Variants in DISC1 observed in about 807,000 individuals in gnomAD.
The protein encoded by DISC1 is DISC1 scaffold protein.
A neutral mutation model predicts 84.5 loss-of-function variants in DISC1; 57 were observed. The observed-to-expected ratio is 0.67, with a 90% CI of 0.55 to 0.84. DISC1 has a LOEUF of 0.84. DISC1 is among the 40% of genes least tolerant of loss of function. The probability of loss-of-function intolerance (pLI) is 0.00; values close to 1 mark genes in which losing one functional copy is unlikely to be tolerated. For missense variants in DISC1, 1,000 were observed against 1,057.8 expected, an observed-to-expected ratio of 0.95 and a Z score of 0.76; for synonymous variants, 411 against 415.2, an observed-to-expected ratio of 0.99 and a Z score of 0.12.
At chr1:231,948,119 G>A (rs1333860330) in intron 9 of DISC1, among the ~76,000 whole-genome samples, 1 of 152,122 alleles carries the variant, frequency 6.6e-6, no homozygotes, top group Non-Finnish European at 1.5e-5. Context: ...AAGGATCATT[G>A]TACTATAATC....
At chr1:231,924,199 A>G (rs1017078667) in intron 9 of DISC1, among the ~76,000 whole-genome samples, 3 of 152,236 alleles carry the variant, frequency 2.0e-5, no homozygotes, top group Non-Finnish European at 2.9e-5. Context: ...TGCATCCTGG[A>G]AAAGAAAGGC....
At chr1:231,952,691 T>TTATATA (rs60722025) in intron 9 of DISC1, among the ~76,000 whole-genome samples, 74 of 141,822 alleles carry the variant, frequency 5.2e-4, no homozygotes, top group South Asian at 1.8e-3. Flanking sequence ...ATATATATGT[T>TTATATA]TATATATATA....
intron 10 of DISC1, among the ~76,000 whole-genome samples, chr1:231,961,500 A>G (rs1000511503): frequency 6.6e-5 from 10 of 152,224 alleles, no homozygotes; most frequent in African/African-American, 2.4e-4. Flanking sequence ...TAGTAAGCAC[A>G]GTACCCCTGG....
intron 6 of DISC1, chr1:231,774,756 G>C: frequency 2.2e-6 from 1 of 456,076 alleles, no homozygotes; most frequent in Non-Finnish European, 4.4e-6. Flanking sequence ...ATGGGCTGCA[G>C]CATGGATCTG....
intron 10 of DISC1, among the ~76,000 whole-genome samples, chr1:231,981,523 G>A: frequency 6.6e-6 from 1 of 152,180 alleles, no homozygotes. Flanking sequence ...TCCCCTGCTT[G>A]TTCAGCATTC....
chr1:231,837,921 T>G (rs2082737297), intron 9 of DISC1, among the ~76,000 whole-genome samples: 1 of 152,244 alleles, frequency 6.6e-6, no homozygotes, highest in Admixed American at 6.5e-5. Flanking sequence ...TATACTTCTT[T>G]GTATGAATGC....
chr1:231,664,340 T>TC (rs2061826811), intron 1 of DISC1, among the ~76,000 whole-genome samples: 4 of 151,892 alleles, frequency 2.6e-5, no homozygotes, highest in Admixed American at 2.6e-4. Context: ...ATTATCCACA[T>TC]CCCCCCATAT....
chr1:231,857,795 G>T (rs191138624), intron 9 of DISC1, among the ~76,000 whole-genome samples: 74 of 152,288 alleles, frequency 4.9e-4, no homozygotes, highest in African/African-American at 1.7e-3. Context: ...AATGTGGACC[G>T]GCTACCCGGA....
In DISC1 at chr1:231,752,995, C is replaced by T. The variant is rs554908633; in HGVS notation, c.1268+2919C>T. 3.9e-5 allele frequency among the ~76,000 whole-genome samples: 6 copies of T among 152,360 alleles called. No homozygotes were observed. In the South Asian group the frequency reaches 6.2e-4, roughly 16 times the overall value. On this transcript the variant is annotated intron_variant, in intron 4 of 12. Coordinates refer to ENST00000439617, the MANE Select transcript of DISC1 (RefSeq NM_018662.3). ...CTCCCATAACCTTGGGCAGCCCTGC[C>T]CTTGTGGCTTTGCAGGGTTCAGATG... is the stretch of plus-strand genomic sequence containing the variant.
In DISC1 at chr1:231,698,399, CAGGCATGCAGAGGAGGG is replaced by C; in HGVS notation, c.1048-3555_1048-3539del. Among the ~76,000 whole-genome samples the C allele has an allele frequency of 6.6e-6, 1 of 152,144 alleles. No homozygotes were observed. The highest frequency in any genetic ancestry group is 6.5e-5 in the Admixed American group (1 of 15,270). On this transcript the variant is annotated intron_variant, in intron 2 of 12. Transcript: ENST00000439617. This position sits in a 1 kb window ranked among gnomAD's most constrained non-coding sequence, Gnocchi z 4.9. ...GATGGTAATAAAGGTAGTTGGTGAC[CAGGCATGCAGAGGAGGG>C]GAAGTGGAGTGGGCCCTGCAAGGTA...
At chr1:231,838,892 G>A (rs951541784) in intron 9 of DISC1, among the ~76,000 whole-genome samples, 1 of 152,220 alleles carries the variant, frequency 6.6e-6, no homozygotes, top group African/African-American at 2.4e-5. Context: ...TCAGGTGCCA[G>A]CTACTGTAAT....
intron 1 of DISC1, among the ~76,000 whole-genome samples, chr1:231,627,888 G>T (rs1302477193): frequency 6.6e-6 from 1 of 152,188 alleles, no homozygotes; most frequent in Non-Finnish European, 1.5e-5. Context: ...GACAGCACTA[G>T]GACCATAGGA....
chr1:231,908,777 C>T (rs575092990), intron 9 of DISC1, among the ~76,000 whole-genome samples: 36 of 152,238 alleles, frequency 2.4e-4, no homozygotes, highest in African/African-American at 6.3e-4. Context: ...GCCATTTTCG[C>T]GATATTGATT....
intron 1 of DISC1, among the ~76,000 whole-genome samples, chr1:231,683,820 G>T (rs563711831): frequency 6.6e-6 from 1 of 151,850 alleles, no homozygotes; most frequent in South Asian, 2.1e-4. Context: ...AGCCACCCTG[G>T]GCCTATTCCC....
intron 10 of DISC1, among the ~76,000 whole-genome samples, chr1:232,002,638 C>CACACACACAT (rs1337275969): frequency 8.0e-6 from 1 of 124,518 alleles, no homozygotes; most frequent in African/African-American, 3.8e-5. Flanking sequence ...CACACACACA[C>CACACACACAT]AAAAGCCAAT....
At chr1:231,657,967 T>G (rs2061261008) in intron 1 of DISC1, among the ~76,000 whole-genome samples, 1 of 152,216 alleles carries the variant, frequency 6.6e-6, no homozygotes, top group African/African-American at 2.4e-5. Flanking sequence ...CCATTTGGGA[T>G]TTGTTGGTTC....
Position 232,039,443 on chromosome 1 carries a change from T to A in DISC1, c.*2612T>A, listed in dbSNP as rs1572719690. 1 of 152,318 alleles carries A rather than the reference T, an allele frequency of 6.6e-6. No homozygotes were observed. Among genetic ancestry groups the A allele is most frequent in the South Asian group, 2.1e-4 (1 of 4,832 alleles). 9.4% of individuals were successfully genotyped at this position (152,318 alleles called of 1,614,324 possible). ...CCCGAAATAAGGGTTCTTTGGTACC[T>A]CTAGTAGATAGTGTGTTCATTTCCC... is the stretch of plus-strand genomic sequence containing the variant. On this transcript the variant is annotated 3_prime_UTR_variant, in exon 13 of 13. Transcript: ENST00000439617.
chr1:231,649,659 T>TA (rs1257097903), intron 1 of DISC1, among the ~76,000 whole-genome samples: 1 of 152,160 alleles, frequency 6.6e-6, no homozygotes, highest in Non-Finnish European at 1.5e-5. Flanking sequence ...AGCGGGGTGT[T>TA]AAAAGTCTCC....
chr1:231,702,231 T>C (rs965254052), intron 3 of DISC1: 13 of 1,289,316 alleles, frequency 1.0e-5, no homozygotes, highest in Non-Finnish European at 1.3e-5. Flanking sequence ...GGGTTATAAA[T>C]ATAACCTTAT....
Sources: gnomAD v4.1 joint callset for allele counts (sites outside exome capture counted in the v4.1 genomes callset) on GRCh38, gnomAD v4.1.1 for gene constraint, Gnocchi (gnomAD v3.1) non-coding constraint, MANE v1.5 for transcripts, NCBI Gene and HGNC (gene_info 2026-07-23, HGNC 2026-07-21) for gene names.